ZNF618: variants seen among roughly 807,000 people sequenced by gnomAD.
ZNF618 encodes the protein zinc finger protein 618, also known as neural precursor cell expressed, developmentally down-regulated 10.
ZNF618 carries 34 observed loss-of-function variants against 103.0 expected under a neutral mutation model. The ratio of observed to expected loss-of-function variants is 0.33; its 90% CI spans 0.25 to 0.44. The LOEUF is 0.44. ZNF618 is among the 20% of genes least tolerant of loss of function. ZNF618 has a pLI of 1.00. For synonymous variants in ZNF618, 551 were observed against 542.2 expected, an observed-to-expected ratio of 1.02 and a Z score of -0.23; for missense variants, 1,059 against 1,295.4, an observed-to-expected ratio of 0.82 and a Z score of 2.80.
chr9:114,012,478 G>A (rs561727216), intron 9 of ZNF618, among the ~76,000 whole-genome samples: 8 of 152,278 alleles, frequency 5.3e-5, no homozygotes, highest in Admixed American at 5.2e-4. Flanking sequence ...ATCTCCACAT[G>A]CTATCACATT....
rs373648049 is a variant in ZNF618 at position 113,912,549 on chromosome 9, A to G, written c.33+36136A>G. On this transcript the variant is annotated intron_variant, in intron 1 of 14. Transcript: ENST00000374126. ...CTCCCCGGAGCCAAAGGGGGAACTC[A>G]GGAGTAAGTCGGGACTGCCTAATTA... Among the ~76,000 whole-genome samples the G allele has an allele frequency of 2.6e-5, 4 of 152,346 alleles. No homozygotes were observed. In the East Asian group the frequency reaches 5.8e-4, roughly 22 times the overall value.
At chr9:113,950,057 G>A (rs539490050) in intron 1 of ZNF618, among the ~76,000 whole-genome samples, 3 of 152,126 alleles carry the variant, frequency 2.0e-5, no homozygotes, top group South Asian at 2.1e-4. Flanking sequence ...GACTAACAAC[G>A]TAATTATATC....
At chr9:114,021,895 T>G (rs1843098052) in intron 10 of ZNF618, among the ~76,000 whole-genome samples, 1 of 152,146 alleles carries the variant, frequency 6.6e-6, no homozygotes, top group Admixed American at 6.5e-5. Flanking sequence ...TTGAGATTCA[T>G]CTATGCTTAC....
intron 4 of ZNF618, among the ~76,000 whole-genome samples, chr9:114,001,588 G>A (rs1841211502): frequency 6.6e-6 from 1 of 152,166 alleles, no homozygotes; most frequent in Non-Finnish European, 1.5e-5. Flanking sequence ...GTCCCATTCC[G>A]GCAAGGAAAA....
At chr9:113,969,956 T>A (rs1837792826) in intron 2 of ZNF618, among the ~76,000 whole-genome samples, 3 of 152,008 alleles carry the variant, frequency 2.0e-5, no homozygotes, top group Admixed American at 2.0e-4. Context: ...GAGCTGAGGG[T>A]CAGATTGTGA....
chr9:113,916,649 G>A (rs1421004894), intron 1 of ZNF618, among the ~76,000 whole-genome samples: 8 of 152,172 alleles, frequency 5.3e-5, no homozygotes, highest in East Asian at 1.9e-4. Context: ...TGGTGTGAGC[G>A]TGCCTAGAAG....
At chr9:114,005,563 G>GTGGCGGCAGA (rs1841667385) in intron 6 of ZNF618, among the ~76,000 whole-genome samples, 1 of 152,208 alleles carries the variant, frequency 6.6e-6, no homozygotes, top group Non-Finnish European at 1.5e-5. Context: ...AAGTGGGCAG[G>GTGGCGGCAGA]TGGCGGCAGA....
chr9:114,049,988 G>A lies in ZNF618; in HGVS notation c.2686G>A (p.Val896Ile), dbSNP rs772329900. Residue 896 changes from valine (V) to isoleucine (I), a missense_variant, in exon 15 of 15, where the codon GTT (valine) becomes ATT (isoleucine). By Grantham distance (29) the Val-to-Ile change is conservative. Around this residue, in one of 6 missense-constraint regions of ZNF618, gnomAD observed 156 missense variants for 197.1 expected, o/e 0.79. Transcript: ENST00000374126. ...TGATCTCTTCCAGTACTGGTCGTGC[G>A]TTACCCAAAAGCACACAAAACTCGC... is the stretch of plus-strand genomic sequence containing the variant. ...TPDLFQYWSC[V>I]TQKHTKLAKL... 6.8e-6 allele frequency: 11 copies of A among 1,613,812 alleles called. No homozygotes were observed. Among genetic ancestry groups the A allele is most frequent in the Admixed American group, 6.7e-5 (4 of 60,002 alleles).
intron 2 of ZNF618, among the ~76,000 whole-genome samples, chr9:113,976,997 T>C (rs1206542329): frequency 6.6e-6 from 1 of 152,162 alleles, no homozygotes; most frequent in Non-Finnish European, 1.5e-5. Flanking sequence ...CTGGATCATG[T>C]AGTTAAAAGA....
chr9:113,951,267 C>T (rs547627688), intron 1 of ZNF618, among the ~76,000 whole-genome samples: 1 of 150,458 alleles, frequency 6.6e-6, no homozygotes, highest in African/African-American at 2.4e-5. Flanking sequence ...ATTTACCTTG[C>T]TGTGTTTTAG....
chr9:113,884,801 A>T (rs1003412956), intron 1 of ZNF618, among the ~76,000 whole-genome samples: 5 of 151,886 alleles, frequency 3.3e-5, no homozygotes. Flanking sequence ...AGAGAGAGAG[A>T]GAGAGAGAGA....
intron 2 of ZNF618, among the ~76,000 whole-genome samples, chr9:113,976,833 G>T (rs1404841019): frequency 6.6e-6 from 1 of 152,200 alleles, no homozygotes; most frequent in Non-Finnish European, 1.5e-5. Flanking sequence ...TAGGAGAAAA[G>T]AACTAACTAA....
In ZNF618 at chr9:113,926,571, TTC is replaced by T. The variant is rs553710077; in HGVS notation, c.34-42542_34-42541del. Reference sequence around the variant, plus strand: ...TTGGCTCTATTTTTTACACTCTTTTTTCTCTGTTTTTTCTATTTATGAAATTT... The same window carrying T: ...TTGGCTCTATTTTTTACACTCTTTTTTCTGTTTTTTCTATTTATGAAATTT... On this transcript the variant is annotated intron_variant, in intron 1 of 14. Transcript: ENST00000374126. Among the ~76,000 whole-genome samples the T allele has an allele frequency of 3.2e-4, 48 of 152,330 alleles. No homozygotes were observed. The East Asian group carries it at 5.2e-3, about 17-fold the overall frequency.
intron 1 of ZNF618, among the ~76,000 whole-genome samples, chr9:113,953,598 C>T (rs926996380): frequency 1.6e-4 from 24 of 152,220 alleles, no homozygotes; most frequent in African/African-American, 5.1e-4. Context: ...GCTTCTTCCT[C>T]TCTGTAACGG....
intron 1 of ZNF618, among the ~76,000 whole-genome samples, chr9:113,921,815 A>G (rs1410700168): frequency 3.9e-5 from 6 of 152,204 alleles, no homozygotes; most frequent in Admixed American, 6.5e-5. Flanking sequence ...AAAGCAAAAG[A>G]TGCCTTCTAT....
chr9:113,884,290 T>C (rs1187063940), intron 1 of ZNF618, among the ~76,000 whole-genome samples: 1 of 152,164 alleles, frequency 6.6e-6, no homozygotes, highest in African/African-American at 2.4e-5. Flanking sequence ...ACGGCTCCCC[T>C]CTCTGCTCCA....
chr9:114,004,963 A>G (rs1841604078), intron 6 of ZNF618, among the ~76,000 whole-genome samples: 1 of 152,384 alleles, frequency 6.6e-6, no homozygotes, highest in South Asian at 2.1e-4. Flanking sequence ...CCATCTGTCC[A>G]CTAAGGAATA....
rs768845646 is a variant in ZNF618 at position 114,048,770 on chromosome 9, A to C, written c.1468A>C (p.Lys490Gln). Reference protein sequence around the residue: ...DLGALSVVSGKEFLKLAQTLV... With the variant: ...DLGALSVVSGQEFLKLAQTLV... ...GGGTGCACTGAGCGTGGTCAGCGGG[A>C]AGGAGTTCCTGAAGTTGGCCCAGAC... Residue 490 changes from lysine (K) to glutamine (Q), a missense_variant, in exon 15 of 15, where the codon AAG becomes CAG. Lys to Gln is a moderately conservative substitution (Grantham distance 53, BLOSUM62 1). Around this residue, in one of 6 missense-constraint regions of ZNF618, gnomAD observed 434 missense variants for 476.0 expected, o/e 0.91. Coordinates refer to ENST00000374126, the MANE Select transcript of ZNF618 (RefSeq NM_001318042.2). The C allele has an allele frequency of 3.5e-5, 57 of 1,613,890 alleles. No homozygotes were observed. The highest frequency in any genetic ancestry group is 4.7e-5 in the Non-Finnish European group (56 of 1,179,904).
At chr9:114,015,252 A>C (rs1005040751) in intron 9 of ZNF618, among the ~76,000 whole-genome samples, 5 of 152,240 alleles carry the variant, frequency 3.3e-5, no homozygotes, top group Non-Finnish European at 5.9e-5. Flanking sequence ...CACATATAAC[A>C]AAATGTTGAT....
Sources: gnomAD v4.1 joint callset for allele counts (sites outside exome capture counted in the v4.1 genomes callset) on GRCh38, gnomAD v4.1.1 for gene constraint, gnomAD v4.1.1 regional missense constraint, MANE v1.5 for transcripts, NCBI Gene and HGNC (gene_info 2026-07-23, HGNC 2026-07-21) for gene names.